Variants in PLXNA4 observed in about 807,000 individuals in gnomAD.
The protein encoded by PLXNA4 is plexin-A4.
PLXNA4 carries 44 observed loss-of-function variants against 191.8 expected under a neutral mutation model. That is an observed-to-expected ratio of 0.23 (90% CI 0.18 to 0.29). The LOEUF (loss-of-function observed/expected upper bound fraction) is 0.29, where lower values mean the gene tolerates loss of function less well. PLXNA4 is among the 10% of genes least tolerant of loss of function. PLXNA4 has a pLI of 1.00. For synonymous variants in PLXNA4, 1,082 were observed against 1,009.5 expected, an observed-to-expected ratio of 1.07 and a Z score of -1.36; for missense variants, 1,800 against 2,488.8, an observed-to-expected ratio of 0.72 and a Z score of 5.89.
chr7:132,356,086 G>T (rs1803694091), intron 3 of PLXNA4, among the ~76,000 whole-genome samples: 1 of 152,170 alleles, frequency 6.6e-6, no homozygotes. Flanking sequence ...TCGAAGAACT[G>T]CTTTAGAAAG....
rs529528458 is a variant in PLXNA4 at position 132,302,948 on chromosome 7, C to T, written c.1372-4726G>A. ...CTGGAGTGCAATGGCACGATCTCAG[C>T]TCACTGTAACCTCTGCCTCCTGGGT... On this transcript the variant is annotated intron_variant, in intron 3 of 31. Transcript: ENST00000321063. 2.5e-3 allele frequency among the ~76,000 whole-genome samples: 387 copies of T among 152,244 alleles called. 3 individuals are homozygous for T. The highest frequency in any genetic ancestry group is 9.0e-3 in the African/African-American group (376 of 41,554).
intron 4 of PLXNA4, among the ~76,000 whole-genome samples, chr7:132,275,903 T>C (rs975586117): frequency 6.6e-6 from 1 of 152,206 alleles, no homozygotes; most frequent in African/African-American, 2.4e-5. Context: ...CTTCCGAGTC[T>C]TTTCCATTGC....
intron 4 of PLXNA4, among the ~76,000 whole-genome samples, chr7:132,295,363 G>A (rs908296145): frequency 2.6e-5 from 4 of 152,222 alleles, no homozygotes; most frequent in Non-Finnish European, 4.4e-5. Context: ...TGTGACAGCC[G>A]AGCTAAGTTT....
chr7:132,262,101 T>C (rs1203630457), intron 4 of PLXNA4, among the ~76,000 whole-genome samples: 5 of 152,202 alleles, frequency 3.3e-5, no homozygotes, highest in Non-Finnish European at 5.9e-5. Context: ...TTCCCCGGGT[T>C]GCCCCCCTTT....
At chr7:132,618,076 C>T (rs904402799) in intron 2 of PLXNA4, among the ~76,000 whole-genome samples, 1 of 152,186 alleles carries the variant, frequency 6.6e-6, no homozygotes, top group African/African-American at 2.4e-5. Flanking sequence ...ATCATTCCTG[C>T]TCAGGTCTCA....
intron 2 of PLXNA4, among the ~76,000 whole-genome samples, chr7:132,614,426 T>G (rs1803111462): frequency 6.6e-6 from 1 of 152,226 alleles, no homozygotes; most frequent in Non-Finnish European, 1.5e-5. Context: ...AGGCCCACCC[T>G]GAAAGATAGC....
intron 9 of PLXNA4, among the ~76,000 whole-genome samples, chr7:132,220,534 A>G (rs899220324): frequency 6.6e-6 from 1 of 152,098 alleles, no homozygotes; most frequent in African/African-American, 2.4e-5. Context: ...TCACCATACT[A>G]TGGCTCATGG....
At chr7:132,155,835 G>T (rs898696518) in intron 25 of PLXNA4, among the ~76,000 whole-genome samples, 6 of 152,094 alleles carry the variant, frequency 3.9e-5, no homozygotes, top group East Asian at 1.9e-4. Flanking sequence ...TTTCTGTGAG[G>T]GTGTCTTTCT....
intron 12 of PLXNA4, 75 bp downstream of exon 12, chr7:132,202,571 G>A: frequency 9.6e-6 from 13 of 1,356,038 alleles, no homozygotes; most frequent in Admixed American, 2.9e-5. Context: ...CCACGGCTGG[G>A]CAGAGTTTCC....
chr7:132,593,899 G>T (rs532719884), intron 2 of PLXNA4, among the ~76,000 whole-genome samples: 3 of 152,358 alleles, frequency 2.0e-5, no homozygotes, highest in African/African-American at 7.2e-5. Flanking sequence ...TGAGAAAAGT[G>T]TGCCTGGGCA....
intron 3 of PLXNA4, among the ~76,000 whole-genome samples, chr7:132,475,140 C>T (rs1797076061): frequency 1.3e-5 from 2 of 152,176 alleles, no homozygotes; most frequent in Admixed American, 6.5e-5. Flanking sequence ...GCCCCAGACA[C>T]AGACCAGGGC....
upstream of PLXNA4, among the ~76,000 whole-genome samples, chr7:132,579,438 C>CGT (rs113591004): frequency 6.9e-4 from 101 of 145,438 alleles, no homozygotes; most frequent in African/African-American, 1.8e-3. Flanking sequence ...TGTGTGTGTG[C>CGT]GTGTGTGTGT....
chr7:132,248,355 G>A (rs1799131498), intron 4 of PLXNA4, among the ~76,000 whole-genome samples: 1 of 152,204 alleles, frequency 6.6e-6, no homozygotes, highest in African/African-American at 2.4e-5. Context: ...AGCCATGGGT[G>A]TGAGGATTCA....
At chr7:132,231,228 G>A (rs538873347) in intron 5 of PLXNA4, among the ~76,000 whole-genome samples, 8 of 152,116 alleles carry the variant, frequency 5.3e-5, no homozygotes, top group South Asian at 2.1e-4. Context: ...TACCTAATAC[G>A]GTTATTATGA....
At chr7:132,169,823 G>A (rs1796230771) in intron 21 of PLXNA4, among the ~76,000 whole-genome samples, 1 of 151,844 alleles carries the variant, frequency 6.6e-6, no homozygotes, top group South Asian at 2.1e-4. Context: ...GACAATTTGT[G>A]CGTGATTTGT....
At position 132,127,176 on chromosome 7, in the gene PLXNA4, T is replaced by TTGTC. The variant is rs1400678136; in HGVS notation, c.*3299_*3302dup. 6.6e-6 allele frequency: 1 copy of TTGTC among 152,072 alleles called. No individual in the cohort carries two copies. Among genetic ancestry groups the TTGTC allele is most frequent in the Non-Finnish European group, 1.5e-5 (1 of 68,036 alleles). 9.4% of individuals were successfully genotyped at this position (152,072 alleles called of 1,614,324 possible). ...TGCAAAAAAAATTCCCACCTAAACTTTGTCAGTGATTTTGATGGCTCAGTC... is the reference window on the plus strand; with the variant it reads ...TGCAAAAAAAATTCCCACCTAAACTTTGTCTGTCAGTGATTTTGATGGCTCAGTC... On this transcript the variant is annotated 3_prime_UTR_variant, in exon 32 of 32. Transcript: ENST00000321063.
upstream of PLXNA4, chr7:132,577,165 C>A (rs1335155308): frequency 6.1e-5 from 9 of 146,854 alleles, no homozygotes; most frequent in South Asian, 1.6e-3. Flanking sequence ...CGGCCGCGGG[C>A]CGAGCCGGGC....
chr7:132,619,655 G>A (rs937875115), intron 2 of PLXNA4, among the ~76,000 whole-genome samples: 1 of 152,230 alleles, frequency 6.6e-6, no homozygotes, highest in Non-Finnish European at 1.5e-5. Flanking sequence ...TTCCTGGTTA[G>A]TGTATCTGGC....
chr7:132,415,118 C>T (rs1358008574), intron 3 of PLXNA4, among the ~76,000 whole-genome samples: 1 of 152,222 alleles, frequency 6.6e-6, no homozygotes, highest in Admixed American at 6.5e-5. Context: ...GCTATTTAGA[C>T]ATCTGATTCC....
Sources: gnomAD v4.1 joint callset for allele counts (sites outside exome capture counted in the v4.1 genomes callset) on GRCh38, gnomAD v4.1.1 for gene constraint, MANE v1.5 for transcripts, NCBI Gene and HGNC (gene_info 2026-07-23, HGNC 2026-07-21) for gene names.